The following SUGCT variants were observed in gnomAD, a reference collection of about 807,000 sequenced individuals.
The protein encoded by SUGCT is succinyl-CoA:glutarate CoA-transferase.
A neutral mutation model predicts 55.0 loss-of-function variants in SUGCT; 41 were observed. The ratio of observed to expected loss-of-function variants is 0.74; its 90% confidence interval spans 0.58 to 0.97. The LOEUF (loss-of-function observed/expected upper bound fraction) is 0.97. Among genes scored for constraint, SUGCT ranks in the 50% least tolerant of loss-of-function variants. The pLI, the probability that SUGCT is intolerant of heterozygous loss-of-function variation, is 0.00. For missense variants in SUGCT, 568 were observed against 547.8 expected, an observed-to-expected ratio of 1.04 and a Z score of -0.37; for synonymous variants, 187 against 200.4, an observed-to-expected ratio of 0.93 and a Z score of 0.56.
chr7:40,362,430 C>T (rs966791568), intron 9 of SUGCT, among the ~76,000 whole-genome samples: 1 of 151,760 alleles, frequency 6.6e-6, no homozygotes, highest in Admixed American at 6.6e-5. Flanking sequence ...GCCGCTCCCC[C>T]CTCAAAAAAA....
intron 6 of SUGCT, chr7:40,217,478 C>T: frequency 2.3e-6 from 1 of 442,814 alleles, no homozygotes. Flanking sequence ...TCCCAAAGTG[C>T]TGGGATTACA....
At chr7:40,445,479 C>G (rs1202388107) in intron 9 of SUGCT, among the ~76,000 whole-genome samples, 1 of 152,106 alleles carries the variant, frequency 6.6e-6, no homozygotes, top group Admixed American at 6.6e-5. Context: ...AGACCAATAT[C>G]AGGCTCCGAA....
intron 12 of SUGCT, among the ~76,000 whole-genome samples, chr7:40,545,695 A>G (rs746483675): frequency 2.6e-5 from 4 of 152,226 alleles, no homozygotes; most frequent in Non-Finnish European, 5.9e-5. Flanking sequence ...GGCTGAAAAG[A>G]GATTTGGTGT....
intron 6 of SUGCT, among the ~76,000 whole-genome samples, chr7:40,206,243 GA>G (rs1013290859): frequency 4.6e-5 from 7 of 152,072 alleles, no homozygotes; most frequent in Admixed American, 3.9e-4. Context: ...TGTTAGATAA[GA>G]AAAAAATTTT....
At chr7:40,849,821 C>T (rs1038508915) in intron 13 of SUGCT, among the ~76,000 whole-genome samples, 1 of 151,928 alleles carries the variant, frequency 6.6e-6, no homozygotes, top group Admixed American at 6.6e-5. Flanking sequence ...CCTCCTTGTG[C>T]TTTGACTCAG....
chr7:40,296,890 A>G (rs970447475), intron 8 of SUGCT, among the ~76,000 whole-genome samples: 2 of 152,150 alleles, frequency 1.3e-5, no homozygotes, highest in African/African-American at 4.8e-5. Flanking sequence ...GCCAAACTAC[A>G]TTGATTTAAA....
At chr7:40,622,820 C>A (rs1221689400) in intron 12 of SUGCT, among the ~76,000 whole-genome samples, 3 of 152,034 alleles carry the variant, frequency 2.0e-5, no homozygotes, top group Non-Finnish European at 4.4e-5. Context: ...CTCTCCCTGA[C>A]TTTCCACATG....
At chr7:40,999,389 T>C in the SUGCT span, among the ~76,000 whole-genome samples, 36 of 152,162 alleles carry the variant, frequency 2.4e-4, no homozygotes, top group Non-Finnish European at 4.1e-4. Flanking sequence ...ATTCACAATT[T>C]CTATGCTTGA....
In SUGCT at chr7:40,145,759, T is replaced by C. The variant is rs190580934; in HGVS notation, c.100+10639T>C. Among the ~76,000 whole-genome samples the C allele has an allele frequency of 2.2e-4, 34 of 152,364 alleles. No homozygotes were observed. The East Asian group carries it at 6.2e-3, about 28-fold the overall frequency. On this transcript the variant is annotated intron_variant, in intron 1 of 13. Coordinates refer to ENST00000335693, the MANE Select transcript of SUGCT (RefSeq NM_001193313.2). ...TATAGATGGCTCCTTCCTGATTCTG[T>C]AAGTACTTCAAGGCTTGGCTGAGTA...
At chr7:40,155,156 A>ATG (rs1783821474) in intron 1 of SUGCT, among the ~76,000 whole-genome samples, 3 of 152,092 alleles carry the variant, frequency 2.0e-5, no homozygotes, top group Non-Finnish European at 2.9e-5. Context: ...GTAGTGGCGC[A>ATG]TGCCTGTAAT....
intron 1 of SUGCT, among the ~76,000 whole-genome samples, chr7:40,160,158 A>G (rs138764127): frequency 1.0e-3 from 152 of 152,302 alleles, no homozygotes; most frequent in African/African-American, 3.5e-3. Flanking sequence ...GGATCCTCCT[A>G]GCAAATCACT....
the SUGCT span, among the ~76,000 whole-genome samples, chr7:40,987,146 G>A: frequency 6.6e-6 from 1 of 152,066 alleles, no homozygotes; most frequent in Non-Finnish European, 1.5e-5. Flanking sequence ...CCAGTAGGAC[G>A]GACAAGGACC....
chr7:40,697,085 C>A (rs988888531), intron 12 of SUGCT, among the ~76,000 whole-genome samples: 2 of 152,102 alleles, frequency 1.3e-5, no homozygotes, highest in South Asian at 4.2e-4. Context: ...CACACTCACA[C>A]GTAACACACA....
rs117484247 is a variant in SUGCT, at chr7:40,287,268, T to C, written c.720+12612T>C. On this transcript the variant is annotated intron_variant, in intron 8 of 13. Transcript: ENST00000335693. ...TATTTTAGTGGATTCTGTAGGATTTTTCCTGTGTGAGATTACATCATCTGT... is the reference window on the plus strand; with the variant it reads ...TATTTTAGTGGATTCTGTAGGATTTCTCCTGTGTGAGATTACATCATCTGT... 6.3e-3 allele frequency among the ~76,000 whole-genome samples: 958 copies of C among 152,296 alleles called. 3 individuals carry two copies. Among genetic ancestry groups the C allele is most frequent in the Middle Eastern group, 0.02 (6 of 294 alleles).
chr7:40,676,929 GT>G (rs1434314584), intron 12 of SUGCT, among the ~76,000 whole-genome samples: 4 of 151,602 alleles, frequency 2.6e-5, no homozygotes, highest in Admixed American at 1.3e-4. Context: ...GTGTGTGTGT[GT>G]GTGTGGTGTA....
At chr7:40,768,727 G>A (rs145175734) in intron 13 of SUGCT, among the ~76,000 whole-genome samples, 8 of 152,208 alleles carry the variant, frequency 5.3e-5, no homozygotes, top group East Asian at 1.9e-4. Flanking sequence ...AAATGTTTTC[G>A]TATCATGGTT....
chr7:40,369,360 A>G (rs1265293920), intron 9 of SUGCT, among the ~76,000 whole-genome samples: 2 of 152,130 alleles, frequency 1.3e-5, no homozygotes, highest in East Asian at 3.9e-4. Context: ...TTCTAAATTG[A>G]GTTTTTCTTG....
intron 12 of SUGCT, among the ~76,000 whole-genome samples, chr7:40,697,249 C>G (rs1224226015): frequency 2.0e-5 from 3 of 152,154 alleles, no homozygotes; most frequent in Non-Finnish European, 4.4e-5. Context: ...GTTTATAAGT[C>G]TATTATTTCT....
At chr7:40,896,082 T>A in the SUGCT span, among the ~76,000 whole-genome samples, 1 of 152,100 alleles carries the variant, frequency 6.6e-6, no homozygotes, top group Non-Finnish European at 1.5e-5. Context: ...ATGATTTATA[T>A]ACAGAAAAAT....
Sources: gnomAD v4.1 joint callset for allele counts (sites outside exome capture counted in the v4.1 genomes callset) on GRCh38, gnomAD v4.1.1 for gene constraint, MANE v1.5 for transcripts, NCBI Gene and HGNC (gene_info 2026-07-23, HGNC 2026-07-21) for gene names.